ZBTB11: variants seen among roughly 807,000 people sequenced by gnomAD.
The protein encoded by ZBTB11 is zinc finger and BTB domain containing 11, also known as zinc finger and BTB domain-containing protein 11.
Under a neutral mutation model 113.1 loss-of-function variants are expected in ZBTB11, and 68 were observed. The observed-to-expected ratio is 0.60, with a 90% CI of 0.49 to 0.74. The LOEUF is 0.74. ZBTB11 is among the 30% of genes least tolerant of loss of function. The pLI is 0.00. For synonymous variants in ZBTB11, 518 were observed against 452.6 expected, an observed-to-expected ratio of 1.14 and a Z score of -1.83; for missense variants, 1,104 against 1,279.4, an observed-to-expected ratio of 0.86 and a Z score of 2.09.
At chr3:101,669,193 T>C (rs1937045442) in intron 3 of ZBTB11, among the ~76,000 whole-genome samples, 1 of 152,154 alleles carries the variant, frequency 6.6e-6, no homozygotes, top group Non-Finnish European at 1.5e-5. Context: ...ACACCATGCC[T>C]GGCTAATTTT....
intron 7 of ZBTB11, among the ~76,000 whole-genome samples, chr3:101,655,479 T>C (rs1475202986): frequency 1.3e-5 from 2 of 152,204 alleles, no homozygotes; most frequent in East Asian, 3.8e-4. Context: ...CAAAAAAATA[T>C]AAGCCAACTA....
Position 101,676,657 on chromosome 3 carries a change from G to A in ZBTB11, c.258C>T (p.His86=), listed in dbSNP as rs1326342074. Residue 86 remains histidine (H), a synonymous_variant, in exon 1 of 11, where the codon CAC becomes CAT. Coordinates refer to ENST00000312938, the MANE Select transcript of ZBTB11 (RefSeq NM_014415.4). ...EAAHLGPGGT[H]HTRHQTWHYL... is the part of the protein sequence containing the mutation. ...AGTGCCAGGTCTGATGCCGGGTGTG[G>A]TGAGTGCCGCCGGGACCCAGGTGCG... The A allele has an allele frequency of 6.3e-7, 1 of 1,582,440 alleles. No homozygotes were observed. The highest frequency in any genetic ancestry group is 1.1e-5 in the South Asian group (1 of 87,346).
At chr3:101,656,369 T>C in intron 6 of ZBTB11, 121 bp from the exon 7 acceptor site, 1 of 590,558 alleles carries the variant, frequency 1.7e-6, no homozygotes, top group East Asian at 6.6e-5. Context: ...TAATTTACAA[T>C]AAAACATAAT....
Position 101,649,439 on chromosome 3 carries a change from T to A in ZBTB11, c.*1727A>T, listed in dbSNP as rs1021808626. ...AATAGTAACAAGCTCAACTCCAAAGTTCATGCTTTTCAACAAGATTCAACA... is the reference window on the plus strand; with the variant it reads ...AATAGTAACAAGCTCAACTCCAAAGATCATGCTTTTCAACAAGATTCAACA... On this transcript the variant is annotated 3_prime_UTR_variant, in exon 11 of 11. Transcript: ENST00000312938. 6.6e-6 allele frequency: 1 copy of A among 152,242 alleles called. No individual in the cohort carries two copies. The highest frequency in any genetic ancestry group is 2.4e-5 in the African/African-American group (1 of 41,468). 9.4% of individuals were successfully genotyped at this position (152,242 alleles called of 1,614,324 possible).
chr3:101,660,258 T>C (rs910079939), intron 5 of ZBTB11, among the ~76,000 whole-genome samples: 2 of 152,200 alleles, frequency 1.3e-5, no homozygotes, highest in African/African-American at 4.8e-5. Context: ...AAGGTTGGGC[T>C]TGAAATGGGT....
At chr3:101,673,580 C>A (rs1937116023) in intron 1 of ZBTB11, among the ~76,000 whole-genome samples, 1 of 151,274 alleles carries the variant, frequency 6.6e-6, no homozygotes, top group Admixed American at 6.6e-5. Flanking sequence ...GTGGTGGGAT[C>A]CCGGCTCACT....
intron 7 of ZBTB11, among the ~76,000 whole-genome samples, 176 bp from the exon 8 acceptor site, chr3:101,654,997 C>T (rs140171221): frequency 4.3e-4 from 66 of 152,224 alleles, no homozygotes; most frequent in Non-Finnish European, 7.5e-4. Flanking sequence ...CCTGCCTCAG[C>T]TTCCCGAGTA....
Position 101,665,782 on chromosome 3 carries a change from A to G in ZBTB11, c.805T>C (p.Leu269=), listed in dbSNP as rs924656042. The G allele has an allele frequency of 6.2e-6, 10 of 1,604,700 alleles. No homozygotes were observed. The highest frequency in any genetic ancestry group is 1.7e-4 in the Middle Eastern group (1 of 5,996). The change falls in exon 4 of 11, where the codon TTA becomes CTA. Residue 269 remains leucine (L), a synonymous_variant. Coordinates refer to ENST00000312938, the MANE Select transcript of ZBTB11 (RefSeq NM_014415.4). Reference sequence around the variant, plus strand: ...ACAGAAGTATAGGCAAATTCCAGTAAAGGAAGGAAGCTGGCCTTACAAAAA... The same window carrying G: ...ACAGAAGTATAGGCAAATTCCAGTAGAGGAAGGAAGCTGGCCTTACAAAAA... ...SGFCKASFLP[L]LEFAYTSVLS...
Position 101,671,479 on chromosome 3 carries a change from T to C in ZBTB11, c.547-118A>G, listed in dbSNP as rs1937084325. 4.1e-6 allele frequency: 3 copies of C among 739,300 alleles called. No individual in the cohort carries two copies. In the South Asian group the frequency reaches 5.4e-5, roughly 13 times the overall value. 45.8% of individuals were successfully genotyped at this position (739,300 alleles called of 1,614,324 possible). A position where few individuals can be genotyped will look rare whatever the true frequency, so the allele number is the denominator to read the frequency against. Reference sequence around the variant, plus strand: ...TTACCAGGTATGAATAATTTGATATTTTCTTTGTTACCTATGTATTTAAAT... The same window carrying C: ...TTACCAGGTATGAATAATTTGATATCTTCTTTGTTACCTATGTATTTAAAT... On this transcript the variant is annotated intron_variant, in intron 2 of 10. Coordinates refer to ENST00000312938, the MANE Select transcript of ZBTB11 (RefSeq NM_014415.4).
intron 3 of ZBTB11, among the ~76,000 whole-genome samples, chr3:101,669,277 A>G (rs1319138903): frequency 6.6e-6 from 1 of 152,204 alleles, no homozygotes; most frequent in Non-Finnish European, 1.5e-5. Flanking sequence ...CAAGCAATCC[A>G]CCTGCCTCAA....
rs1937096170 is a variant in ZBTB11 at position 101,672,190 on chromosome 3, A to C, written c.334T>G (p.Tyr112Asp). ...TGGCATTTGCTACACTGTTTAATGT[A>C]ATCTTTGACTTGCTTCAATATACCT... ...WRGILKQVKD[Y>D]IKQCSKCQEK... is the part of the protein sequence containing the mutation. The change falls in exon 2 of 11, where the codon TAC becomes GAC. Residue 112 changes from tyrosine (Y) to aspartate (D), a missense_variant. Coordinates refer to ENST00000312938, the MANE Select transcript of ZBTB11 (RefSeq NM_014415.4). 6.2e-7 allele frequency: 1 copy of C among 1,606,458 alleles called. No individual in the cohort carries two copies.
intron 5 of ZBTB11, among the ~76,000 whole-genome samples, chr3:101,664,062 C>G (rs1191479892): frequency 6.6e-6 from 1 of 152,128 alleles, no homozygotes; most frequent in Non-Finnish European, 1.5e-5. Context: ...GAAGATGGAT[C>G]TTTGGCTAAA....
At position 101,665,587 on chromosome 3, in the gene ZBTB11, G is replaced by T; in HGVS notation, c.1000C>A (p.Arg334=). ...GGTGCTGTACCTCCATTCTGTACTC[G>T]TAAGTCCTGGGTGGATGCAACTGTT... ...VQTVASTQDL[R]VQNGGTAPPV... The change falls in exon 4 of 11, where the codon CGA becomes AGA. Residue 334 remains arginine, a synonymous_variant. Transcript: ENST00000312938. The T allele has an allele frequency of 6.2e-7, 1 of 1,614,194 alleles. No individual in the cohort carries two copies. Among genetic ancestry groups the T allele is most frequent in the Non-Finnish European group, 8.5e-7 (1 of 1,180,036 alleles).
chr3:101,655,425 C>T (rs906882435), intron 7 of ZBTB11, among the ~76,000 whole-genome samples: 4 of 152,124 alleles, frequency 2.6e-5, no homozygotes, highest in African/African-American at 9.7e-5. Flanking sequence ...ATTGGCTATT[C>T]CCACATTTTT....
chr3:101,653,032 C>T, intron 8 of ZBTB11, 94 bp from the exon 9 acceptor site: 1 of 1,303,582 alleles, frequency 7.7e-7, no homozygotes, highest in Non-Finnish European at 1.0e-6. Context: ...TTTAGAACTC[C>T]AAAAGATGAT....
chr3:101,672,269 T>A, intron 1 of ZBTB11, 56 bp from the exon 2 acceptor site: 3 of 1,241,732 alleles, frequency 2.4e-6, no homozygotes, highest in Non-Finnish European at 2.3e-6. Context: ...AAACAGAATA[T>A]ATTATTTAGT....
At position 101,661,642 on chromosome 3, in the gene ZBTB11, T is replaced by A. The variant is rs76697920; in HGVS notation, c.1801-1614A>T. On this transcript the variant is annotated intron_variant, in intron 5 of 10. Coordinates refer to ENST00000312938, the MANE Select transcript of ZBTB11 (RefSeq NM_014415.4). ...GCCATTCTGATCCTTATCCTTTTTA[T>A]GAGACTGACAATGTTATTGTTTGTC... Among the ~76,000 whole-genome samples, 48 of 152,360 alleles carry A rather than the reference T, an allele frequency of 3.2e-4. No homozygotes were observed. The East Asian group carries it at 9.1e-3, about 29-fold the overall frequency.
chr3:101,671,773 C>G (rs1015898641), intron 2 of ZBTB11: 62 of 603,390 alleles, frequency 1.0e-4, no homozygotes, highest in Middle Eastern at 8.1e-4. Flanking sequence ...AACAAACCAA[C>G]AGGTAATTAT....
At chr3:101,662,399 C>T (rs1331504646) in intron 5 of ZBTB11, among the ~76,000 whole-genome samples, 1 of 152,122 alleles carries the variant, frequency 6.6e-6, no homozygotes, top group Non-Finnish European at 1.5e-5. Flanking sequence ...CTGAGGCAGG[C>T]AGATCACCTG....
Sources: gnomAD v4.1 joint callset for allele counts (sites outside exome capture counted in the v4.1 genomes callset) on GRCh38, gnomAD v4.1.1 for gene constraint, MANE v1.5 for transcripts, NCBI Gene and HGNC (gene_info 2026-07-23, HGNC 2026-07-21) for gene names.